PARP15: variants seen among roughly 807,000 people sequenced by gnomAD.
PARP15 encodes poly(ADP-ribose) polymerase family member 15.
Under a neutral mutation model 62.1 loss-of-function variants are expected in PARP15, and 50 were observed. That is an observed-to-expected ratio of 0.81 (90% confidence interval 0.64 to 1.02). The LOEUF is 1.02. Among genes scored for constraint, PARP15 ranks in the 50% least tolerant of loss-of-function variants. The pLI, the probability that PARP15 is intolerant of heterozygous loss-of-function variation, is 0.00. For missense variants in PARP15, 820 were observed against 826.5 expected (o/e 0.99, Z 0.10); for synonymous variants, 309 against 293.1 (o/e 1.05, Z -0.55).
Position 122,603,282 on chromosome 3 carries a change from G to A in PARP15, c.187-2654G>A, listed in dbSNP as rs535384444. On this transcript the variant is annotated intron_variant, in intron 1 of 11. Coordinates refer to ENST00000464300, the MANE Select transcript of PARP15 (RefSeq NM_001113523.3). ...CAGGATGAGAAGTTGTCACTGTGAG[G>A]TAACATGACCCCAAGGTGTAAGGGG... Among the ~76,000 whole-genome samples, 3 of 152,188 alleles carry A rather than the reference G, an allele frequency of 2.0e-5. No homozygotes were observed. In the South Asian group the frequency reaches 6.2e-4, roughly 32 times the overall value.
In PARP15 at chr3:122,636,007, C is replaced by T; in HGVS notation, c.1944C>T (p.Asp648=). Residue 648 remains aspartate, a synonymous_variant, in exon 12 of 12, where the codon GAC becomes GAT. Transcript: ENST00000464300. ...CTCACAATCCCACAGATCTCTTTGA[C>T]TCAGTGACAAACAATACACGATCTC... ...KNPHNPTDLF[D]SVTNNTRSPK... is the part of the protein sequence containing the mutation. 3 of 1,614,096 alleles carry T rather than the reference C, an allele frequency of 1.9e-6. No individual in the cohort carries two copies. The highest frequency in any genetic ancestry group is 1.7e-6 in the Non-Finnish European group (2 of 1,179,990).
intron 8 of PARP15, among the ~76,000 whole-genome samples, chr3:122,626,245 C>T (rs1278331442): frequency 7.0e-6 from 1 of 143,004 alleles, no homozygotes; most frequent in Non-Finnish European, 1.5e-5. Context: ...GTCGCCCAGG[C>T]TGGAGTGCAG....
intron 1 of PARP15, among the ~76,000 whole-genome samples, chr3:122,579,481 C>T (rs1215359828): frequency 6.6e-6 from 1 of 152,124 alleles, no homozygotes; most frequent in Non-Finnish European, 1.5e-5. Flanking sequence ...TCTTTGTCTT[C>T]AACCTCTTCA....
chr3:122,635,259 C>G (rs376256691), intron 11 of PARP15, 65 bp downstream of exon 11: 24 of 1,475,066 alleles, frequency 1.6e-5, no homozygotes, highest in East Asian at 7.0e-5. Context: ...TTTTCATACC[C>G]AAGCAGTGTG....
At position 122,579,999 on chromosome 3, in the gene PARP15, G is replaced by GTATGTATATA. The variant is rs1553725411; in HGVS notation, c.186+2149_186+2150insGTATATATAT. Among the ~76,000 whole-genome samples, 101 of 64,448 alleles carry GTATGTATATA rather than the reference G, an allele frequency of 1.6e-3. 1 individual carries two copies. The highest frequency in any genetic ancestry group is 4.8e-3 in the African/African-American group (96 of 20,158). 42.3% of individuals were successfully genotyped at this position (64,448 alleles called of 152,430 possible). ...GTCTGAACAACAACAGCAACTATAT[G>GTATGTATATA]TATATATATATATATATATATATAT... On this transcript the variant is annotated intron_variant, in intron 1 of 11. Coordinates refer to ENST00000464300, the MANE Select transcript of PARP15 (RefSeq NM_001113523.3).
chr3:122,627,110 C>G, intron 9 of PARP15, 77 bp downstream of exon 9: 11 of 1,211,328 alleles, frequency 9.1e-6, no homozygotes, highest in Non-Finnish European at 1.3e-5. Flanking sequence ...TGAATGTACA[C>G]TGAGTTTATA....
intron 1 of PARP15, among the ~76,000 whole-genome samples, chr3:122,596,735 A>G (rs949674230): frequency 2.0e-5 from 3 of 152,226 alleles, no homozygotes; most frequent in African/African-American, 7.2e-5. Flanking sequence ...CCAAATAAAC[A>G]TCATTTTTTA....
intron 7 of PARP15, among the ~76,000 whole-genome samples, chr3:122,620,595 G>A (rs189965414): frequency 6.6e-6 from 1 of 152,290 alleles, no homozygotes; most frequent in Admixed American, 6.5e-5. Context: ...GCAAAGGAAG[G>A]TAATATTTGA....
At chr3:122,583,919 A>G (rs1933188513) in intron 1 of PARP15, among the ~76,000 whole-genome samples, 1 of 152,178 alleles carries the variant, frequency 6.6e-6, no homozygotes, top group African/African-American at 2.4e-5. Context: ...GCCTCCGGTA[A>G]GTCCCAAGTC....
rs1935705007 is a variant in PARP15, at chr3:122,613,276, T to TA, written c.771+9dup. 2.0e-6 allele frequency: 3 copies of TA among 1,526,634 alleles called. No individual in the cohort carries two copies. Among genetic ancestry groups the TA allele is most frequent in the Non-Finnish European group, 2.7e-6 (3 of 1,124,072 alleles). 94.6% of individuals were successfully genotyped at this position (1,526,634 alleles called of 1,614,324 possible). A position where few individuals can be genotyped will look rare whatever the true frequency, so the allele number is the denominator to read the frequency against. ...GACGATGAAGGCTGTCAGGTATGGT[T>TA]ACATATCCCATCTGGTTAATTCTGG... On this transcript the variant is annotated intron_variant, in intron 4 of 11. Transcript: ENST00000464300.
chr3:122,619,689 A>G, intron 6 of PARP15, 92 bp from the exon 7 acceptor site: 1 of 1,104,990 alleles, frequency 9.0e-7, no homozygotes, highest in Middle Eastern at 2.2e-4. Flanking sequence ...TATGCACAAA[A>G]GGGTGAGTTG....
At chr3:122,580,003 A>ATG (rs1553725428) in intron 1 of PARP15, among the ~76,000 whole-genome samples, 1 of 94,242 alleles carries the variant, frequency 1.1e-5, no homozygotes, top group Non-Finnish European at 2.3e-5. Context: ...CTATATGTAT[A>ATG]TATATATATA....
At chr3:122,620,362 G>C (rs908681372) in intron 7 of PARP15, among the ~76,000 whole-genome samples, 8 of 152,204 alleles carry the variant, frequency 5.3e-5, no homozygotes, top group African/African-American at 1.9e-4. Flanking sequence ...TGGACTTTGA[G>C]TGGGGAACCT....
chr3:122,618,591 T>A (rs1402974530), intron 6 of PARP15, among the ~76,000 whole-genome samples: 1 of 152,192 alleles, frequency 6.6e-6, no homozygotes, highest in Non-Finnish European at 1.5e-5. Flanking sequence ...GCAGTTAGAC[T>A]ACTTGATTGG....
At chr3:122,589,580 G>A (rs901357612) in intron 1 of PARP15, among the ~76,000 whole-genome samples, 3 of 152,196 alleles carry the variant, frequency 2.0e-5, no homozygotes, top group South Asian at 4.1e-4. Context: ...CTAGTGGGGT[G>A]AAGTGGCACC....
chr3:122,615,815 A>G lies in PARP15; in HGVS notation c.808A>G (p.Asn270Asp), dbSNP rs750638693. 6.2e-7 allele frequency: 1 copy of G among 1,613,772 alleles called. No individual in the cohort carries two copies. The highest frequency in any genetic ancestry group is 8.5e-7 in the Non-Finnish European group (1 of 1,179,726). Residue 270 changes from asparagine to aspartate, a missense_variant, in exon 5 of 12, where the codon AAT becomes GAT. Transcript: ENST00000464300. Reference sequence around the variant, plus strand: ...TGAATTCACTAACTGGTCAAGAATAAATCCCAACAAGGCCAGGATTCCCAT... The same window carrying G: ...TGAATTCACTAACTGGTCAAGAATAGATCCCAACAAGGCCAGGATTCCCAT... ...LDEFTNWSRI[N>D]PNKARIPMAG...
chr3:122,624,417 A>T (rs1936557008), intron 8 of PARP15, among the ~76,000 whole-genome samples: 1 of 152,144 alleles, frequency 6.6e-6, no homozygotes, highest in Admixed American at 6.5e-5. Flanking sequence ...AGAAAGTCCC[A>T]TGTTGCAGGC....
chr3:122,618,974 A>T (rs1300233887), intron 6 of PARP15, among the ~76,000 whole-genome samples: 2 of 152,366 alleles, frequency 1.3e-5, no homozygotes, highest in East Asian at 3.9e-4. Flanking sequence ...AGAACAAACA[A>T]ATTGAAAAGA....
Position 122,635,965 on chromosome 3 carries a change from C to G in PARP15, c.1902C>G (p.Thr634=). The part of the protein sequence containing the change: ...VFTKGRAGLV[T]PPPKNPHNPT... ...CAAAGGGACGTGCAGGATTAGTCACCCCTCCACCCAAGAATCCTCACAATC... is the reference window on the plus strand; with the variant it reads ...CAAAGGGACGTGCAGGATTAGTCACGCCTCCACCCAAGAATCCTCACAATC... Residue 634 remains threonine, a synonymous_variant, in exon 12 of 12, where the codon ACC becomes ACG. Transcript: ENST00000464300. 6.2e-7 allele frequency: 1 copy of G among 1,614,084 alleles called. No homozygotes were observed. Among genetic ancestry groups the G allele is most frequent in the Non-Finnish European group, 8.5e-7 (1 of 1,180,016 alleles).
Sources: allele counts gnomAD v4.1 joint callset (sites outside exome capture counted in the v4.1 genomes callset), GRCh38; gene constraint gnomAD v4.1.1; transcripts MANE v1.5; gene names NCBI Gene and HGNC (gene_info 2026-07-23, HGNC 2026-07-21).